METTL8: variants seen among roughly 807,000 people sequenced by gnomAD.
METTL8 encodes tRNA N(3)-cytidine methyltransferase METTL8, mitochondrial.
METTL8 carries 32 observed loss-of-function variants against 48.7 expected under a neutral mutation model. That is an observed-to-expected ratio of 0.66 (90% CI 0.50 to 0.88). The LOEUF (loss-of-function observed/expected upper bound fraction) is 0.88. METTL8 is among the 40% of genes least tolerant of loss of function. The pLI, the probability that METTL8 is intolerant of heterozygous loss-of-function variation, is 0.00. For missense variants in METTL8, 464 were observed against 474.4 expected (o/e 0.98, Z 0.20); for synonymous variants, 136 against 157.1 (o/e 0.87, Z 1.01).
At position 171,409,006 on chromosome 2, in the gene METTL8, T is replaced by C. The variant is rs74717113; in HGVS notation, c.-12-16809A>G. 1.4e-3 allele frequency among the ~76,000 whole-genome samples: 213 copies of C among 152,336 alleles called. 4 individuals are homozygous for C. The East Asian group carries it at 0.015, about 11-fold the overall frequency. On this transcript the variant is annotated intron_variant, in intron 1 of 9. Transcript: ENST00000375258. ...CACAGGATCAAGCCTTCCACTAAGA[T>C]GCTGCTTAATTTGAACAGCCCTAAG... is the stretch of plus-strand genomic sequence containing the variant.
intron 1 of METTL8, among the ~76,000 whole-genome samples, chr2:171,408,914 T>A (rs1690463071): frequency 6.6e-6 from 1 of 152,212 alleles, no homozygotes; most frequent in African/African-American, 2.4e-5. Flanking sequence ...GTTCAATCAG[T>A]GCTAACCCAT....
chr2:171,365,226 T>A (rs1421288541), intron 2 of METTL8, among the ~76,000 whole-genome samples: 2 of 151,960 alleles, frequency 1.3e-5, no homozygotes, highest in African/African-American at 4.8e-5. Flanking sequence ...AGCAGTGGAG[T>A]ATAATCAAAC....
At chr2:171,350,891 A>C (rs537334796) in intron 3 of METTL8, among the ~76,000 whole-genome samples, 2 of 152,210 alleles carry the variant, frequency 1.3e-5, no homozygotes, top group African/African-American at 4.8e-5. Flanking sequence ...AGATTGCAAA[A>C]ATTTTCTCCC....
chr2:171,343,296 G>A (rs1033518230), intron 3 of METTL8, among the ~76,000 whole-genome samples: 6 of 151,926 alleles, frequency 3.9e-5, no homozygotes, highest in Non-Finnish European at 7.4e-5. Context: ...AAAATTAGCC[G>A]GGTGTGGTGG....
Position 171,397,352 on chromosome 2 carries a change from T to TAAA in METTL8, c.-12-5158_-12-5156dup, listed in dbSNP as rs71013039. 0.015 allele frequency among the ~76,000 whole-genome samples: 177 copies of TAAA among 11,700 alleles called. 53 individuals are homozygous for TAAA. The East Asian group carries it at 0.3, about 20-fold the overall frequency. 7.7% of individuals were successfully genotyped at this position (11,700 alleles called of 152,430 possible). A position where few individuals can be genotyped will look rare whatever the true frequency, so the allele number is the denominator to read the frequency against. On this transcript the variant is annotated intron_variant, in intron 1 of 9. Coordinates refer to ENST00000375258, the MANE Select transcript of METTL8 (RefSeq NM_001321154.2). ...AGGCAAAATAGTGAGACCCTGTCTC[T>TAAA]AAAAAAAAAAAAAAAAAAAAAAAAA...
At position 171,339,839 on chromosome 2, in the gene METTL8, CAA is replaced by C. The variant is rs1266137675; in HGVS notation, c.236-287_236-286del. 3.9e-5 allele frequency among the ~76,000 whole-genome samples: 6 copies of C among 152,294 alleles called. No homozygotes were observed. In the East Asian group the frequency reaches 1.2e-3, roughly 29 times the overall value. On this transcript the variant is annotated intron_variant, in intron 3 of 9. Coordinates refer to ENST00000375258, the MANE Select transcript of METTL8 (RefSeq NM_001321154.2). ...ATTTTTGTGAGAAATATAATCACTGCAAACAACTTTCTAATTTTATCTTAACA... is the reference window on the plus strand; with the variant it reads ...ATTTTTGTGAGAAATATAATCACTGCACAACTTTCTAATTTTATCTTAACA...
chr2:171,353,225 T>C (rs907666630), intron 3 of METTL8, among the ~76,000 whole-genome samples: 4 of 152,236 alleles, frequency 2.6e-5, no homozygotes, highest in Non-Finnish European at 4.4e-5. Flanking sequence ...TTTCATTATG[T>C]ACCCAGTAGT....
Position 171,363,218 on chromosome 2 carries a change from A to AT in METTL8, c.144-2706dup, listed in dbSNP as rs942369889. Among the ~76,000 whole-genome samples the AT allele has an allele frequency of 6.3e-3, 913 of 145,438 alleles. 7 individuals are homozygous for AT. The highest frequency in any genetic ancestry group is 0.031 in the East Asian group (153 of 5,000). On this transcript the variant is annotated intron_variant, in intron 2 of 9. Transcript: ENST00000375258. ...TATATCCTAAGTTCCTGCAGAACAG[A>AT]TTTTTTTTTTTTTTACACCACAGTT...
chr2:171,339,676 TAA>T, intron 3 of METTL8, 122 bp from the exon 4 acceptor site: 1 of 466,540 alleles, frequency 2.1e-6, no homozygotes, highest in Non-Finnish European at 3.6e-6. Context: ...TACAAATGAA[TAA>T]CTTTAATATT....
chr2:171,434,633 G>A, upstream of METTL8: 1 of 1,533,022 alleles, frequency 6.5e-7, no homozygotes, highest in South Asian at 1.2e-5. Flanking sequence ...CGGGCGCTGG[G>A]CTGCTTCTCG....
intron 1 of METTL8, among the ~76,000 whole-genome samples, 179 bp from the exon 2 acceptor site, chr2:171,392,376 G>A (rs1688657504): frequency 6.6e-6 from 1 of 152,144 alleles, no homozygotes; most frequent in East Asian, 1.9e-4. Context: ...CCAAGAGATG[G>A]GAGAGAAATA....
At chr2:171,434,740 C>A, upstream of METTL8, 1 of 1,394,808 alleles carries the variant, frequency 7.2e-7, no homozygotes, top group Non-Finnish European at 9.2e-7. Flanking sequence ...CGGAGGGCCG[C>A]GGGCGCGCGG....
At chr2:171,356,859 G>C (rs756728950) in intron 3 of METTL8, among the ~76,000 whole-genome samples, 64 of 151,648 alleles carry the variant, frequency 4.2e-4, no homozygotes, top group Non-Finnish European at 1.6e-4. Flanking sequence ...CATAATACTG[G>C]AAGTCCTGGC....
intron 1 of METTL8, among the ~76,000 whole-genome samples, chr2:171,408,137 G>A (rs1559191069): frequency 6.6e-6 from 1 of 152,104 alleles, no homozygotes; most frequent in Admixed American, 6.5e-5. Context: ...CTATGTACAA[G>A]GAGCTTATAC....
At chr2:171,429,173 G>A (rs1559229529) in intron 1 of METTL8, among the ~76,000 whole-genome samples, 12 of 152,090 alleles carry the variant, frequency 7.9e-5, no homozygotes. Context: ...ATCTGAATGA[G>A]CACTTTTTAA....
intron 2 of METTL8, 81 bp from the exon 3 acceptor site, chr2:171,360,594 A>C (rs1351017852): frequency 8.5e-7 from 1 of 1,176,238 alleles, no homozygotes; most frequent in African/African-American, 1.5e-5. Flanking sequence ...CACATCTTTC[A>C]TTCTAGATTA....
At chr2:171,391,929 C>T in intron 2 of METTL8, 114 bp downstream of exon 2, 3 of 1,074,148 alleles carry the variant, frequency 2.8e-6, no homozygotes, top group Middle Eastern at 3.1e-4. Flanking sequence ...TGGACCTCTA[C>T]AACATGAGTT....
At chr2:171,425,209 CA>C (rs1486479647) in intron 1 of METTL8, among the ~76,000 whole-genome samples, 10 of 152,196 alleles carry the variant, frequency 6.6e-5, no homozygotes, top group Non-Finnish European at 1.5e-5. Context: ...TACCCAGTCT[CA>C]GGTATGTCTT....
At chr2:171,342,419 T>C (rs1192467803) in intron 3 of METTL8, among the ~76,000 whole-genome samples, 2 of 152,244 alleles carry the variant, frequency 1.3e-5, no homozygotes, top group Non-Finnish European at 2.9e-5. Context: ...ACTATATATT[T>C]GTCTTTTAAA....
Sources: allele counts gnomAD v4.1 joint callset (sites outside exome capture counted in the v4.1 genomes callset), GRCh38; gene constraint gnomAD v4.1.1; transcripts MANE v1.5; gene names NCBI Gene and HGNC (gene_info 2026-07-23, HGNC 2026-07-21).